KCNMA1: variants seen among roughly 807,000 people sequenced by gnomAD.
KCNMA1 encodes the protein potassium calcium-activated channel subfamily M alpha 1.
KCNMA1 carries 29 observed loss-of-function variants against 140.0 expected under a neutral mutation model. That is an observed-to-expected ratio of 0.21 (90% CI 0.15 to 0.28). The LOEUF is 0.28. KCNMA1 is among the 10% of genes least tolerant of loss of function. The pLI is 1.00. For synonymous variants in KCNMA1, 612 were observed against 611.9 expected, an observed-to-expected ratio of 1.00 and a Z score of 0.00; for missense variants, 880 against 1,602.2, an observed-to-expected ratio of 0.55 and a Z score of 7.70.
chr10:77,411,081 C>T (rs1389852164), intron 1 of KCNMA1, among the ~76,000 whole-genome samples: 1 of 152,244 alleles, frequency 6.6e-6, no homozygotes, highest in Non-Finnish European at 1.5e-5. Context: ...CGGCTCACTG[C>T]AACCTCTGCC....
intron 2 of KCNMA1, among the ~76,000 whole-genome samples, chr10:77,257,128 A>G (rs1168035354): frequency 6.6e-6 from 1 of 152,164 alleles, no homozygotes; most frequent in African/African-American, 2.4e-5. Flanking sequence ...AAAAAAGAAA[A>G]AAATAGATGT....
At chr10:76,974,431 G>GT in intron 19 of KCNMA1, 1 of 1,027,502 alleles carries the variant, frequency 9.7e-7, no homozygotes, top group African/African-American at 1.6e-5. Context: ...AAAGTAGAAT[G>GT]TTGAGGGCTG....
chr10:77,348,201 A>T (rs1177081266), intron 2 of KCNMA1, among the ~76,000 whole-genome samples: 2 of 152,206 alleles, frequency 1.3e-5, no homozygotes, highest in African/African-American at 4.8e-5. Context: ...AGAGGGAGAT[A>T]GAGTATGCAG....
chr10:76,946,787 C>A (rs529508796), intron 22 of KCNMA1, among the ~76,000 whole-genome samples: 1 of 152,182 alleles, frequency 6.6e-6, no homozygotes, highest in Non-Finnish European at 1.5e-5. Context: ...ATAAGATGAT[C>A]CCTGTGCAGT....
At chr10:77,281,101 G>C (rs2068434633) in intron 2 of KCNMA1, among the ~76,000 whole-genome samples, 1 of 151,818 alleles carries the variant, frequency 6.6e-6, no homozygotes, top group Admixed American at 6.6e-5. Context: ...TTTCTTATGA[G>C]AACAAATCCA....
Position 77,402,064 on chromosome 10 carries a change from A to G in KCNMA1, c.540+1798T>C, listed in dbSNP as rs114516067. Among the ~76,000 whole-genome samples the G allele has an allele frequency of 7.3e-3, 1,112 of 152,334 alleles. 17 individuals are homozygous for G. The highest frequency in any genetic ancestry group is 0.025 in the African/African-American group (1,057 of 41,566). On this transcript the variant is annotated intron_variant, in intron 2 of 27. Coordinates refer to ENST00000286628, the MANE Select transcript of KCNMA1 (RefSeq NM_001161352.2). ...TCTATAATGGCCACATGGAAGGAAC[A>G]AGTGTCACATTTGTGCAGCTAAACT...
intron 26 of KCNMA1, among the ~76,000 whole-genome samples, chr10:76,891,203 G>T (rs2039907294): frequency 6.6e-6 from 1 of 152,214 alleles, no homozygotes; most frequent in Non-Finnish European, 1.5e-5. Flanking sequence ...GAGGGAGAAA[G>T]CCCACTGGCT....
chr10:77,012,191 C>T (rs755164751), intron 17 of KCNMA1, 148 bp from the exon 18 acceptor site: 177 of 1,521,478 alleles, frequency 1.2e-4, no homozygotes, highest in Middle Eastern at 5.1e-4. Context: ...CATTTGCAGA[C>T]GGAAATGTTT....
At chr10:77,528,626 A>C (rs2056650237) in intron 1 of KCNMA1, among the ~76,000 whole-genome samples, 2 of 150,448 alleles carry the variant, frequency 1.3e-5, no homozygotes, top group African/African-American at 5.0e-5. Flanking sequence ...AAAAAAAAGA[A>C]AAGAAAAGAT....
chr10:76,926,816 C>T (rs966330773), intron 23 of KCNMA1, among the ~76,000 whole-genome samples: 6 of 152,156 alleles, frequency 3.9e-5, no homozygotes, highest in Non-Finnish European at 7.3e-5. Flanking sequence ...AACATATCAA[C>T]ATTTCATACA....
intron 2 of KCNMA1, among the ~76,000 whole-genome samples, chr10:77,351,015 T>A (rs2092808554): frequency 6.6e-6 from 1 of 152,244 alleles, no homozygotes; most frequent in Admixed American, 6.5e-5. Flanking sequence ...CTAGCCAAGA[T>A]GTCATTTGAA....
intron 5 of KCNMA1, among the ~76,000 whole-genome samples, chr10:77,151,328 G>A (rs929381723): frequency 1.5e-5 from 1 of 67,250 alleles, no homozygotes; most frequent in Non-Finnish European, 2.8e-5. Flanking sequence ...CTGGGTTCAA[G>A]TGATTCCCGG....
chr10:76,887,421 G>A lies in KCNMA1; in HGVS notation c.3556C>T (p.Arg1186Trp), dbSNP rs747029218. Residue 1186 changes from arginine to tryptophan, a missense_variant, in exon 28 of 28, where the codon CGG (arginine) becomes TGG (tryptophan). Physicochemically the swap from Arg to Trp is moderately radical, Grantham distance 101 (BLOSUM62 -3). This residue lies in a region of KCNMA1 where 115 missense variants were observed against 139.9 expected (regional missense o/e 0.82). Coordinates refer to ENST00000286628, the MANE Select transcript of KCNMA1 (RefSeq NM_001161352.2). ...MQFDHNAGQS[R>W]ASLSHSSHSS... ...TGGGAGGAATGGGACAGGCTGGCCC[G>A]GGACTGGCCGGCATTGTGGTCAAAC... is the stretch of plus-strand genomic sequence containing the variant. 3.4e-5 allele frequency: 55 copies of A among 1,614,012 alleles called. No homozygotes were observed. The highest frequency in any genetic ancestry group is 1.6e-4 in the Middle Eastern group (1 of 6,084).
At chr10:77,503,511 G>A (rs915189097) in intron 1 of KCNMA1, among the ~76,000 whole-genome samples, 34 of 152,118 alleles carry the variant, frequency 2.2e-4, no homozygotes, top group Non-Finnish European at 5.0e-4. Flanking sequence ...CCCAAAGGAA[G>A]CTCTATTTCA....
At position 77,001,526 on chromosome 10, in the gene KCNMA1, C is replaced by T. The variant is rs1226777047; in HGVS notation, c.2147G>A (p.Arg716His). ...MRRACCFDCG[R>H]SERDCSCMSG... ...CATGCATGAGCAGTCACGCTCAGAA[C>T]GTCCGCAATCAAAACAACATGCCCG... Residue 716 changes from arginine (R) to histidine (H), a missense_variant, in exon 19 of 28, where the codon CGT (arginine) becomes CAT (histidine). Physicochemically the swap from Arg to His is conservative, Grantham distance 29. Around this residue, in one of 13 missense-constraint regions of KCNMA1, gnomAD observed 196 missense variants for 233.0 expected, o/e 0.84. Coordinates refer to ENST00000286628, the MANE Select transcript of KCNMA1 (RefSeq NM_001161352.2). 14 of 1,552,024 alleles carry T rather than the reference C, an allele frequency of 9.0e-6. No homozygotes were observed. The highest frequency in any genetic ancestry group is 7.8e-5 in the Admixed American group (4 of 50,986).
intron 2 of KCNMA1, among the ~76,000 whole-genome samples, chr10:77,377,786 C>T (rs927738158): frequency 6.6e-6 from 1 of 152,172 alleles, no homozygotes; most frequent in African/African-American, 2.4e-5. Context: ...AGCTGTGCAA[C>T]CCTCAGCAAG....
intron 2 of KCNMA1, among the ~76,000 whole-genome samples, chr10:77,304,906 G>C (rs2077327530): frequency 6.6e-6 from 1 of 152,206 alleles, no homozygotes; most frequent in Non-Finnish European, 1.5e-5. Context: ...AGAGGTGACT[G>C]CTGCTTGGGA....
intron 1 of KCNMA1, among the ~76,000 whole-genome samples, chr10:77,568,596 G>C (rs1450871168): frequency 6.6e-6 from 1 of 151,064 alleles, no homozygotes; most frequent in Non-Finnish European, 1.5e-5. Context: ...AAAATAATAA[G>C]AGCTATCTAT....
chr10:77,296,123 T>C (rs1006184111), intron 2 of KCNMA1, among the ~76,000 whole-genome samples: 1 of 152,102 alleles, frequency 6.6e-6, no homozygotes, highest in Admixed American at 6.6e-5. Context: ...GCTGGTGTGA[T>C]TAAGTTAAGG....
Sources: allele counts gnomAD v4.1 joint callset (sites outside exome capture counted in the v4.1 genomes callset), GRCh38; gene constraint gnomAD v4.1.1; regional missense constraint gnomAD v4.1.1; transcripts MANE v1.5; gene names NCBI Gene and HGNC (gene_info 2026-07-23, HGNC 2026-07-21).